The following JAZF1 variants were observed in gnomAD, a reference collection of about 807,000 sequenced individuals.
JAZF1 encodes the protein JAZF zinc finger 1.
Under a neutral mutation model 26.4 loss-of-function variants are expected in JAZF1, and 8 were observed. The ratio of observed to expected loss-of-function variants is 0.30; its 90% CI spans 0.18 to 0.55. The LOEUF is 0.55. Ranked by LOEUF, JAZF1 falls within the 20% of genes least tolerant of loss-of-function variation. JAZF1 has a pLI of 0.94. For synonymous variants in JAZF1, 126 were observed against 122.3 expected (o/e 1.03, Z -0.20); for missense variants, 199 against 322.0 (o/e 0.62, Z 2.92).
intron 1 of JAZF1, among the ~76,000 whole-genome samples, chr7:28,092,291 A>C (rs181901519): frequency 0.012 from 802 of 65,072 alleles, 18 homozygotes; most frequent in African/African-American, 0.052. Flanking sequence ...GACAAAAGGC[A>C]AAAAAAAAAA....
chr7:27,962,227 G>C (rs532739471), intron 2 of JAZF1, among the ~76,000 whole-genome samples: 1 of 152,216 alleles, frequency 6.6e-6, no homozygotes, highest in East Asian at 1.9e-4. Context: ...AATACACATA[G>C]GTAAGAAGTA....
intron 1 of JAZF1, among the ~76,000 whole-genome samples, chr7:28,156,163 C>T (rs1783182581): frequency 6.6e-6 from 1 of 152,240 alleles, no homozygotes; most frequent in Non-Finnish European, 1.5e-5. Context: ...CGATCCTTAA[C>T]CAGGCTTGTG....
chr7:27,918,361 G>T (rs974744752), intron 2 of JAZF1, among the ~76,000 whole-genome samples: 6 of 152,026 alleles, frequency 3.9e-5, no homozygotes, highest in Non-Finnish European at 5.9e-5. Flanking sequence ...TTATCTCTTT[G>T]TGTGAACAAC....
chr7:27,850,792 A>G (rs1473578738), intron 3 of JAZF1, among the ~76,000 whole-genome samples: 4 of 148,800 alleles, frequency 2.7e-5, no homozygotes, highest in African/African-American at 9.8e-5. Context: ...TTATCAAGCC[A>G]TCTTTCAGCT....
At chr7:27,833,836 C>T (rs1459900342) in intron 4 of JAZF1, among the ~76,000 whole-genome samples, 3 of 152,144 alleles carry the variant, frequency 2.0e-5, no homozygotes, top group Admixed American at 6.5e-5. Flanking sequence ...GTTTTAACCA[C>T]CAGTAATCCT....
intron 3 of JAZF1, among the ~76,000 whole-genome samples, chr7:27,892,079 T>C (rs149761666): frequency 0.013 from 2,015 of 152,292 alleles, 45 homozygotes; most frequent in African/African-American, 0.045. Flanking sequence ...TTTTATAACC[T>C]GGCAATGAAA....
At chr7:28,066,602 CAA>C (rs911062551) in intron 1 of JAZF1, among the ~76,000 whole-genome samples, 46 of 31,766 alleles carry the variant, frequency 1.4e-3, no homozygotes, top group Middle Eastern at 0.013. Flanking sequence ...GACTCCATCT[CAA>C]AAAAAAAAAA....
chr7:28,041,723 T>A (rs1783395381), intron 1 of JAZF1, among the ~76,000 whole-genome samples: 1 of 152,202 alleles, frequency 6.6e-6, no homozygotes, highest in Non-Finnish European at 1.5e-5. Flanking sequence ...CCACCTTACT[T>A]TTTATTAATA....
chr7:27,891,739 T>C (rs1783979677), intron 3 of JAZF1, among the ~76,000 whole-genome samples: 1 of 152,064 alleles, frequency 6.6e-6, no homozygotes, highest in Non-Finnish European at 1.5e-5. Context: ...TGACGTGAGC[T>C]ACACAGGAGG....
intron 1 of JAZF1, among the ~76,000 whole-genome samples, chr7:27,993,137 T>C (rs753776913): frequency 3.3e-5 from 5 of 152,246 alleles, no homozygotes; most frequent in African/African-American, 1.2e-4. Context: ...AAGAATCTCA[T>C]GTTCACTTTA....
At chr7:28,148,217 C>T (rs771322810) in intron 1 of JAZF1, among the ~76,000 whole-genome samples, 2 of 151,926 alleles carry the variant, frequency 1.3e-5, no homozygotes, top group Admixed American at 6.6e-5. Flanking sequence ...ATTACAGGCA[C>T]GCACCACTAC....
chr7:27,941,996 C>T (rs1013495762), intron 2 of JAZF1, among the ~76,000 whole-genome samples: 2 of 152,168 alleles, frequency 1.3e-5, no homozygotes, highest in Non-Finnish European at 2.9e-5. Flanking sequence ...TGCTGTGTGA[C>T]GTTGAATAAA....
At chr7:27,854,556 C>A (rs1251745011) in intron 3 of JAZF1, among the ~76,000 whole-genome samples, 1 of 152,196 alleles carries the variant, frequency 6.6e-6, no homozygotes, top group Non-Finnish European at 1.5e-5. Context: ...TCTTGTAAGG[C>A]AGGCCTGGTG....
chr7:28,033,703 C>T (rs527505547), intron 1 of JAZF1, among the ~76,000 whole-genome samples: 9 of 152,156 alleles, frequency 5.9e-5, no homozygotes, highest in Non-Finnish European at 1.3e-4. Context: ...TTCAAACAGC[C>T]CTGATTGCTA....
chr7:28,138,071 A>G (rs1263984738), intron 1 of JAZF1, among the ~76,000 whole-genome samples: 1 of 152,202 alleles, frequency 6.6e-6, no homozygotes, highest in Admixed American at 6.5e-5. Context: ...TGCTTCTCAC[A>G]AGAAAAACTA....
rs760926093 is a variant in JAZF1, at chr7:28,180,593, G to GC, written c.-17dup. ...TGCCTGTCATGGTGCTACATCGAGA[G>GC]CCCCCCTGGTGTCGGCTCTGCGAGC... On this transcript the variant is annotated 5_prime_UTR_variant, in exon 1 of 5. Coordinates refer to ENST00000283928, the MANE Select transcript of JAZF1 (RefSeq NM_175061.4). The GC allele has an allele frequency of 2.0e-6, 3 of 1,533,424 alleles. No individual in the cohort carries two copies. The highest frequency in any genetic ancestry group is 1.7e-5 in the Admixed American group (1 of 57,258). The allele number at this position is 1,533,424 out of a possible 1,614,324, so 95.0% of individuals were successfully genotyped here.
chr7:28,110,482 GGAAA>G (rs1562590812), intron 1 of JAZF1, among the ~76,000 whole-genome samples: 1 of 64,070 alleles, frequency 1.6e-5, no homozygotes, highest in Non-Finnish European at 2.9e-5. Context: ...GGAAAGGAAA[GGAAA>G]GGAAAGGAAA....
chr7:27,890,991 T>C (rs994748570), intron 3 of JAZF1, among the ~76,000 whole-genome samples: 1 of 151,878 alleles, frequency 6.6e-6, no homozygotes, highest in Non-Finnish European at 1.5e-5. Context: ...GGTTTCACCA[T>C]GTTGGCCAGG....
At chr7:28,048,018 T>C (rs1484694756) in intron 1 of JAZF1, among the ~76,000 whole-genome samples, 1 of 152,186 alleles carries the variant, frequency 6.6e-6, no homozygotes, top group Non-Finnish European at 1.5e-5. Flanking sequence ...TAACAAAATC[T>C]GTCCCTAGTA....
Sources: allele counts gnomAD v4.1 joint callset (sites outside exome capture counted in the v4.1 genomes callset), GRCh38; gene constraint gnomAD v4.1.1; transcripts MANE v1.5; gene names NCBI Gene and HGNC (gene_info 2026-07-23, HGNC 2026-07-21).